HS6ST2: variants seen among roughly 807,000 people sequenced by gnomAD.
The protein encoded by HS6ST2 is heparan sulfate 6-O-sulfotransferase 2.
Under a neutral mutation model 33.0 loss-of-function variants are expected in HS6ST2, and 17 were observed. The ratio of observed to expected loss-of-function variants is 0.52; its 90% CI spans 0.35 to 0.77. The LOEUF (loss-of-function observed/expected upper bound fraction) is 0.77, where lower values mean the gene tolerates loss of function less well. HS6ST2 is among the 30% of genes least tolerant of loss of function. The probability of loss-of-function intolerance (pLI) is 0.01; values close to 1 mark genes in which losing one functional copy is unlikely to be tolerated. For synonymous variants in HS6ST2, 248 were observed against 237.1 expected, an observed-to-expected ratio of 1.05 and a Z score of -0.42; for missense variants, 519 against 551.7, an observed-to-expected ratio of 0.94 and a Z score of 0.59.
At chrX:132,828,678 T>TTATATATATATATA (rs1176610550) in intron 2 of HS6ST2, among the ~76,000 whole-genome samples, 7 of 53,242 alleles carry the variant, frequency 1.3e-4, no homozygotes, top group African/African-American at 4.6e-4. Context: ...ATATCATATT[T>TTATATATATATATA]TATATATATA....
intron 2 of HS6ST2, among the ~76,000 whole-genome samples, chrX:132,936,804 T>C (rs2066827783): frequency 9.2e-6 from 1 of 108,908 alleles, no homozygotes; most frequent in South Asian, 4.0e-4. Context: ...CCCAGTGACA[T>C]GCAATTTACC....
chrX:132,812,384 A>G (rs901966851), intron 2 of HS6ST2, among the ~76,000 whole-genome samples: 23 of 97,968 alleles, frequency 2.3e-4, no homozygotes, highest in Non-Finnish European at 4.6e-4. Flanking sequence ...CAGCCTGGGC[A>G]ACAGAGCAAG....
chrX:132,701,049 G>A lies in HS6ST2; in HGVS notation c.980+7413C>T, dbSNP rs187255149. On this transcript the variant is annotated intron_variant, in intron 3 of 4. Transcript: ENST00000370833. ...ACAAACGTAGCGCTAAGAATTAAACGGCAAAAGCAAGCCAAAAATTCAGCG... is the reference window on the plus strand; with the variant it reads ...ACAAACGTAGCGCTAAGAATTAAACAGCAAAAGCAAGCCAAAAATTCAGCG... Among the ~76,000 whole-genome samples the A allele has an allele frequency of 4.6e-3, 519 of 111,702 alleles. 4 individuals carry two copies. The highest frequency in any genetic ancestry group is 0.016 in the African/African-American group (502 of 30,763).
At chrX:132,928,361 C>A (rs1457502332) in intron 2 of HS6ST2, among the ~76,000 whole-genome samples, 1 of 110,679 alleles carries the variant, frequency 9.0e-6, no homozygotes, top group African/African-American at 3.3e-5. Flanking sequence ...CCCACCTCAG[C>A]CTCCCAAAAT....
intron 2 of HS6ST2, among the ~76,000 whole-genome samples, chrX:132,850,110 T>C (rs945842787): frequency 1.6e-4 from 18 of 112,360 alleles, no homozygotes; most frequent in Admixed American, 2.8e-4. Flanking sequence ...AAGAGACAGA[T>C]TTCAGTGGGA....
intron 2 of HS6ST2, among the ~76,000 whole-genome samples, chrX:132,863,315 T>C (rs1214830869): frequency 1.8e-5 from 2 of 110,897 alleles, no homozygotes; most frequent in Non-Finnish European, 3.8e-5. Flanking sequence ...TTTCCACTTT[T>C]ATTACATATT....
intron 2 of HS6ST2, among the ~76,000 whole-genome samples, chrX:132,822,797 A>G (rs2065472845): frequency 8.9e-6 from 1 of 111,946 alleles, no homozygotes; most frequent in South Asian, 3.8e-4. Context: ...CCATTCAGGG[A>G]GGTTGTTTCA....
chrX:132,843,133 C>A (rs887533432), intron 2 of HS6ST2, among the ~76,000 whole-genome samples: 3 of 111,779 alleles, frequency 2.7e-5, no homozygotes, highest in African/African-American at 9.8e-5. Context: ...CTTTCTGCTG[C>A]AAATAAATTC....
At chrX:132,723,619 A>G (rs979646450) in intron 2 of HS6ST2, among the ~76,000 whole-genome samples, 4 of 111,761 alleles carry the variant, frequency 3.6e-5, no homozygotes, top group African/African-American at 1.3e-4. Flanking sequence ...ATAAAATTCA[A>G]TCTCTCCATG....
At chrX:132,662,619 C>A (rs1376398976) in intron 4 of HS6ST2, among the ~76,000 whole-genome samples, 2 of 112,107 alleles carry the variant, frequency 1.8e-5, no homozygotes. Flanking sequence ...CTTGACTAAG[C>A]TATAGAAGCA....
At chrX:132,792,150 C>T (rs2065124170) in intron 2 of HS6ST2, among the ~76,000 whole-genome samples, 1 of 112,417 alleles carries the variant, frequency 8.9e-6, no homozygotes, top group African/African-American at 3.2e-5. Flanking sequence ...CCTGGAAAAA[C>T]ATGAGAATGG....
intron 2 of HS6ST2, among the ~76,000 whole-genome samples, chrX:132,712,429 C>T (rs1195536060): frequency 8.9e-6 from 1 of 112,168 alleles, no homozygotes; most frequent in East Asian, 2.8e-4. Context: ...TGTGGTGCCC[C>T]CAAAGTCCCA....
chrX:132,766,474 G>A (rs2064849340), intron 2 of HS6ST2, among the ~76,000 whole-genome samples: 1 of 111,741 alleles, frequency 8.9e-6, no homozygotes, highest in Non-Finnish European at 1.9e-5. Context: ...ATGTCACAAA[G>A]TGGAATCTTG....
At chrX:132,758,122 T>C (rs1301343056) in intron 2 of HS6ST2, 3 of 112,636 alleles carry the variant, frequency 2.7e-5, no homozygotes, top group African/African-American at 9.7e-5. Context: ...GTGGATGAAG[T>C]TAACTCATAA....
intron 3 of HS6ST2, among the ~76,000 whole-genome samples, chrX:132,702,898 T>C (rs2064156882): frequency 8.9e-6 from 1 of 111,781 alleles, no homozygotes; most frequent in Admixed American, 9.5e-5. Flanking sequence ...TCATAATAAG[T>C]GCTCAATAGA....
At chrX:132,632,510 GCAAA>G (rs771835985) in intron 4 of HS6ST2, among the ~76,000 whole-genome samples, 6 of 110,366 alleles carry the variant, frequency 5.4e-5, no homozygotes, top group Non-Finnish European at 7.6e-5. Flanking sequence ...GGGGTCGGGG[GCAAA>G]CAGAGACATG....
At chrX:132,786,357 A>T (rs1374324116) in intron 2 of HS6ST2, among the ~76,000 whole-genome samples, 1 of 111,209 alleles carries the variant, frequency 9.0e-6, no homozygotes. Context: ...AATCTTGAAG[A>T]TGTGGCATAA....
chrX:132,892,608 C>T (rs1361155261), intron 2 of HS6ST2, among the ~76,000 whole-genome samples: 1 of 112,220 alleles, frequency 8.9e-6, no homozygotes, highest in Non-Finnish European at 1.9e-5. Flanking sequence ...CACTTGAGGT[C>T]AGGAGTTCGA....
At chrX:132,789,093 T>C (rs2065093139) in intron 2 of HS6ST2, among the ~76,000 whole-genome samples, 1 of 112,663 alleles carries the variant, frequency 8.9e-6, no homozygotes, top group Non-Finnish European at 1.9e-5. Context: ...ATTTTCAATG[T>C]AGATTAATCA....
Sources: allele counts gnomAD v4.1 joint callset (sites outside exome capture counted in the v4.1 genomes callset), GRCh38; gene constraint gnomAD v4.1.1; transcripts MANE v1.5; gene names NCBI Gene and HGNC (gene_info 2026-07-23, HGNC 2026-07-21).